The following ASTN1 variants were observed in gnomAD, a reference collection of about 807,000 sequenced individuals.
ASTN1 encodes the protein astrotactin-1.
In ASTN1, 41 loss-of-function variants were observed where a neutral mutation model predicts 140.7. The ratio of observed to expected loss-of-function variants is 0.29; its 90% CI spans 0.23 to 0.38. The LOEUF (loss-of-function observed/expected upper bound fraction) is 0.38, where lower values mean the gene tolerates loss of function less well. Among genes scored for constraint, ASTN1 ranks in the 10% least tolerant of loss-of-function variants. The pLI, the probability that ASTN1 is intolerant of heterozygous loss-of-function variation, is 1.00. For missense variants in ASTN1, 1,479 were observed against 1,678.8 expected, an observed-to-expected ratio of 0.88 and a Z score of 2.08; for synonymous variants, 640 against 652.2, an observed-to-expected ratio of 0.98 and a Z score of 0.29.
intron 8 of ASTN1, chr1:176,981,477 G>C (rs1673618266): frequency 6.6e-6 from 1 of 152,152 alleles, no homozygotes; most frequent in African/African-American, 2.4e-5. Flanking sequence ...CTGGAGTAGG[G>C]GGTGCCAAAA....
intron 17 of ASTN1, among the ~76,000 whole-genome samples, chr1:176,891,012 G>T (rs564488107): frequency 2.2e-4 from 34 of 151,878 alleles, no homozygotes; most frequent in African/African-American, 8.2e-4. Flanking sequence ...GGGCAACAGA[G>T]CAAGACCTGT....
intron 5 of ASTN1, among the ~76,000 whole-genome samples, chr1:177,027,128 C>T (rs1470163516): frequency 6.6e-6 from 1 of 152,152 alleles, no homozygotes; most frequent in Non-Finnish European, 1.5e-5. Context: ...TTTCCTCCTC[C>T]ACAGAAGGCC....
At position 176,864,143 on chromosome 1, in the gene ASTN1, G is replaced by T; in HGVS notation, c.*141C>A. ...ACTGAAGAAGTTCTGCAGGGAGCAA[G>T]GATCACTTTCTCCCTGGTTTCGATG... is the stretch of plus-strand genomic sequence containing the variant. On this transcript the variant is annotated 3_prime_UTR_variant, in exon 23 of 23. Transcript: ENST00000361833. The T allele has an allele frequency of 6.7e-7, 1 of 1,493,176 alleles. No homozygotes were observed. Among genetic ancestry groups the T allele is most frequent in the African/African-American group, 1.4e-5 (1 of 71,612 alleles). The allele number at this position is 1,493,176 out of a possible 1,614,324, so 92.5% of individuals were successfully genotyped here.
At chr1:177,133,184 A>G (rs1179892777) in intron 1 of ASTN1, among the ~76,000 whole-genome samples, 1 of 152,236 alleles carries the variant, frequency 6.6e-6, no homozygotes, top group Non-Finnish European at 1.5e-5. Flanking sequence ...TAATAATTAG[A>G]ACTGGAAGAA....
intron 2 of ASTN1, among the ~76,000 whole-genome samples, chr1:177,037,861 T>C (rs1676798251): frequency 6.6e-6 from 1 of 152,214 alleles, no homozygotes; most frequent in Non-Finnish European, 1.5e-5. Flanking sequence ...CATTTTTCTT[T>C]TTAAAAATCA....
chr1:176,991,412 T>A lies in ASTN1; in HGVS notation c.1523+23379A>T, dbSNP rs1674155374. The stretch of plus-strand genomic sequence containing the variant: ...TGGGCAACAAACGCTAAACTCTGTC[T>A]CAAAAAAAAAAAAAAAAAAAAACCA... On this transcript the variant is annotated intron_variant, in intron 8 of 22. Transcript: ENST00000361833. Among the ~76,000 whole-genome samples the A allele has an allele frequency of 7.2e-5, 3 of 41,826 alleles. No individual in the cohort carries two copies. In the South Asian group the frequency reaches 2.1e-3, roughly 29 times the overall value. 27.4% of individuals were successfully genotyped at this position (41,826 alleles called of 152,430 possible).
intron 22 of ASTN1, among the ~76,000 whole-genome samples, chr1:176,865,687 C>CT (rs1281093514): frequency 6.6e-6 from 1 of 152,240 alleles, no homozygotes; most frequent in Non-Finnish European, 1.5e-5. Context: ...CAGAACCACT[C>CT]TTTTCTAGTT....
intron 11 of ASTN1, among the ~76,000 whole-genome samples, chr1:176,952,878 C>G (rs1672250473): frequency 6.6e-6 from 1 of 152,156 alleles, no homozygotes; most frequent in African/African-American, 2.4e-5. Flanking sequence ...ATATATTAAC[C>G]CTTCTTTGCA....
intron 1 of ASTN1, among the ~76,000 whole-genome samples, chr1:177,095,686 A>G (rs1679995808): frequency 6.6e-6 from 1 of 152,194 alleles, no homozygotes; most frequent in South Asian, 2.1e-4. Flanking sequence ...CCTTAGCATC[A>G]CAAACCAGGC....
At chr1:177,022,597 T>A (rs1032207458) in intron 7 of ASTN1, among the ~76,000 whole-genome samples, 25 of 152,266 alleles carry the variant, frequency 1.6e-4, no homozygotes, top group African/African-American at 5.5e-4. Flanking sequence ...CCCAGCTCCA[T>A]TTGATAGTAT....
At chr1:177,031,020 T>A in intron 3 of ASTN1, 68 bp from the exon 4 acceptor site, 3 of 1,506,472 alleles carry the variant, frequency 2.0e-6, no homozygotes, top group Non-Finnish European at 2.7e-6. Context: ...AAGAAGGAAA[T>A]CTGCATAAAC....
intron 8 of ASTN1, among the ~76,000 whole-genome samples, chr1:176,969,667 C>T (rs2101858896): frequency 6.6e-6 from 1 of 152,248 alleles, no homozygotes; most frequent in East Asian, 1.9e-4. Flanking sequence ...TGGATGGTGT[C>T]AGGTCAGATG....
intron 8 of ASTN1, among the ~76,000 whole-genome samples, chr1:176,989,440 T>C (rs184296959): frequency 6.6e-6 from 1 of 152,198 alleles, no homozygotes; most frequent in African/African-American, 2.4e-5. Context: ...AGAGGTACAA[T>C]GGCCTAACAA....
At chr1:176,931,371 C>A (rs573983794) in intron 16 of ASTN1, among the ~76,000 whole-genome samples, 27 of 152,276 alleles carry the variant, frequency 1.8e-4, no homozygotes, top group African/African-American at 6.5e-4. Context: ...GAGGCTGAGG[C>A]AGAAGAATCT....
chr1:176,904,892 A>G (rs2103051838), intron 16 of ASTN1, among the ~76,000 whole-genome samples: 1 of 152,258 alleles, frequency 6.6e-6, no homozygotes, highest in South Asian at 2.1e-4. Context: ...TGAGCTACAG[A>G]GTGGAATTAG....
At chr1:176,892,287 T>C (rs776324197) in intron 17 of ASTN1, among the ~76,000 whole-genome samples, 2 of 152,218 alleles carry the variant, frequency 1.3e-5, no homozygotes, top group African/African-American at 4.8e-5. Flanking sequence ...GGTGGTCTGT[T>C]AGGGAGACCA....
In ASTN1 at chr1:176,862,114, C is replaced by T; in HGVS notation, c.*2170G>A. 1 of 985,468 alleles carries T rather than the reference C, an allele frequency of 1.0e-6. No individual in the cohort carries two copies. Among genetic ancestry groups the T allele is most frequent in the Non-Finnish European group, 1.2e-6 (1 of 829,938 alleles). The allele number at this position is 985,468 out of a possible 1,614,324, so 61.0% of individuals were successfully genotyped here. ...CTGTCTGATTGGCCTGTCACATCTT[C>T]TCTGGCAATGGTGAAATATTTGCCC... On this transcript the variant is annotated 3_prime_UTR_variant, in exon 23 of 23. Coordinates refer to ENST00000361833, the MANE Select transcript of ASTN1 (RefSeq NM_004319.3).
intron 2 of ASTN1, among the ~76,000 whole-genome samples, chr1:177,041,824 A>G (rs1183644198): frequency 6.6e-6 from 1 of 152,194 alleles, no homozygotes; most frequent in Non-Finnish European, 1.5e-5. Context: ...CCTCAAAGTC[A>G]GGCAGCCCAG....
intron 1 of ASTN1, among the ~76,000 whole-genome samples, chr1:177,162,379 T>C (rs1647431896): frequency 6.6e-6 from 1 of 152,202 alleles, no homozygotes; most frequent in South Asian, 2.1e-4. Flanking sequence ...TGCATTTAAA[T>C]AGTGCATCTG....
Sources: allele counts gnomAD v4.1 joint callset (sites outside exome capture counted in the v4.1 genomes callset), GRCh38; gene constraint gnomAD v4.1.1; transcripts MANE v1.5; gene names NCBI Gene and HGNC (gene_info 2026-07-23, HGNC 2026-07-21).